LRRC4C: variants seen among roughly 807,000 people sequenced by gnomAD.
LRRC4C encodes the protein leucine rich repeat containing 4C, also known as leucine-rich repeat-containing protein 4C.
Under a neutral mutation model 33.6 loss-of-function variants are expected in LRRC4C, and 5 were observed. The observed-to-expected ratio is 0.15, with a 90% CI of 0.08 to 0.31. The LOEUF (loss-of-function observed/expected upper bound fraction) is 0.31, where lower values mean the gene tolerates loss of function less well. LRRC4C is among the 10% of genes least tolerant of loss of function. The pLI is 1.00. For missense variants in LRRC4C, 560 were observed against 796.7 expected (o/e 0.70, Z 3.58); for synonymous variants, 329 against 302.0 (o/e 1.09, Z -0.93).
At chr11:41,032,181 A>G (rs1565318448) in intron 1 of LRRC4C, among the ~76,000 whole-genome samples, 1 of 152,018 alleles carries the variant, frequency 6.6e-6, no homozygotes, top group Non-Finnish European at 1.5e-5. Flanking sequence ...CTCAATTCCA[A>G]TCCTTCTGCC....
intron 3 of LRRC4C, among the ~76,000 whole-genome samples, chr11:40,438,926 C>CTTTTTTTTTTTTTTTTTTTTTTT (rs869144067): frequency 9.4e-6 from 1 of 106,902 alleles, no homozygotes. Context: ...TGAATTGCTA[C>CTTTTTTTTTTTTTTTTTTTTTTT]TTTTTTTTTT....
At chr11:41,128,445 T>A (rs555816103) in intron 1 of LRRC4C, among the ~76,000 whole-genome samples, 1 of 152,208 alleles carries the variant, frequency 6.6e-6, no homozygotes, top group East Asian at 1.9e-4. Context: ...CAAAGAGATA[T>A]GACAGTGCTT....
intron 1 of LRRC4C, among the ~76,000 whole-genome samples, chr11:41,193,458 A>G (rs1946049951): frequency 6.6e-6 from 1 of 152,104 alleles, no homozygotes; most frequent in African/African-American, 2.4e-5. Flanking sequence ...ATGCTACACC[A>G]TTGATGATGC....
rs1238422849 is a variant in LRRC4C, at chr11:40,195,894, A to G, written c.-96+45625T>C. On this transcript the variant is annotated intron_variant, in intron 5 of 6. Coordinates refer to ENST00000528697, the MANE Select transcript of LRRC4C (RefSeq NM_001258419.2). ...TATGAAGTATTTATAAGGTGTGGCAATTTGTCAAAAATCACCACAAATGGA... is the reference window on the plus strand; with the variant it reads ...TATGAAGTATTTATAAGGTGTGGCAGTTTGTCAAAAATCACCACAAATGGA... Among the ~76,000 whole-genome samples the G allele has an allele frequency of 2.0e-5, 3 of 152,198 alleles. No individual in the cohort carries two copies. The East Asian group carries it at 5.8e-4, about 29-fold the overall frequency.
intron 1 of LRRC4C, among the ~76,000 whole-genome samples, chr11:40,959,976 A>G (rs963325436): frequency 1.2e-4 from 18 of 151,836 alleles, no homozygotes; most frequent in African/African-American, 3.4e-4. Flanking sequence ...TAGTAATTCT[A>G]CTTTAAATTA....
chr11:41,065,122 C>T (rs1938126996), intron 1 of LRRC4C, among the ~76,000 whole-genome samples: 1 of 150,770 alleles, frequency 6.6e-6, no homozygotes, highest in Admixed American at 6.6e-5. Flanking sequence ...GTGGATCCCA[C>T]TCCCATGGAG....
chr11:40,173,345 C>T (rs1860203039), intron 5 of LRRC4C, among the ~76,000 whole-genome samples: 2 of 152,278 alleles, frequency 1.3e-5, no homozygotes, highest in South Asian at 4.1e-4. Context: ...GCAAACTCCC[C>T]AAGAGGCAAA....
In LRRC4C at chr11:40,736,856, G is replaced by A. The variant is rs534345284; in HGVS notation, c.-406-88578C>T. Among the ~76,000 whole-genome samples, 53 of 76,148 alleles carry A rather than the reference G, an allele frequency of 7.0e-4. No individual in the cohort carries two copies. The South Asian group carries it at 0.011, about 16-fold the overall frequency. 50.0% of individuals were successfully genotyped at this position (76,148 alleles called of 152,430 possible). A position where few individuals can be genotyped will look rare whatever the true frequency, so the allele number is the denominator to read the frequency against. ...ATATACTTTGCCCACTTTTTGATGCGGTTGTTTTTTTTTTTTTTGTAAATT... is the reference window on the plus strand; with the variant it reads ...ATATACTTTGCCCACTTTTTGATGCAGTTGTTTTTTTTTTTTTTGTAAATT... On this transcript the variant is annotated intron_variant, in intron 2 of 6. Coordinates refer to ENST00000528697, the MANE Select transcript of LRRC4C (RefSeq NM_001258419.2).
chr11:41,382,032 A>G (rs921957226), intron 1 of LRRC4C, among the ~76,000 whole-genome samples: 1 of 151,944 alleles, frequency 6.6e-6, no homozygotes, highest in African/African-American at 2.4e-5. Context: ...CCAGAATAGG[A>G]AAGCTGTTAG....
intron 3 of LRRC4C, among the ~76,000 whole-genome samples, chr11:40,489,312 C>A (rs562523864): frequency 1.3e-5 from 2 of 152,196 alleles, no homozygotes; most frequent in Admixed American, 1.3e-4. Context: ...GTCCCCCTTG[C>A]TCCCCTAAAA....
chr11:41,429,914 C>T lies in LRRC4C; in HGVS notation c.-496+29517G>A, dbSNP rs115445576. Among the ~76,000 whole-genome samples the T allele has an allele frequency of 8.5e-4, 129 of 152,078 alleles. 1 individual carries two copies. Among genetic ancestry groups the T allele is most frequent in the African/African-American group, 3.1e-3 (127 of 41,484 alleles). On this transcript the variant is annotated intron_variant, in intron 1 of 6. Coordinates refer to ENST00000528697, the MANE Select transcript of LRRC4C (RefSeq NM_001258419.2). ...GCTTCCAAATGAGATAATGGCATTC[C>T]GGCTAAGTTAGGCAGATGATGGTAC...
At chr11:40,372,394 AC>A (rs1191761731) in intron 3 of LRRC4C, among the ~76,000 whole-genome samples, 2 of 152,090 alleles carry the variant, frequency 1.3e-5, no homozygotes, top group Non-Finnish European at 2.9e-5. Context: ...AAGTACACAA[AC>A]CTTCTCTAGA....
chr11:40,241,716 A>T (rs964216362), intron 4 of LRRC4C, 118 bp from the exon 5 acceptor site: 5 of 152,202 alleles, frequency 3.3e-5, no homozygotes, highest in African/African-American at 1.2e-4. Flanking sequence ...AAAGCAACAC[A>T]CAAGAAGATG....
chr11:40,179,664 G>A (rs569429857), intron 5 of LRRC4C, among the ~76,000 whole-genome samples: 104 of 152,252 alleles, frequency 6.8e-4, no homozygotes, highest in African/African-American at 2.4e-3. Context: ...CATCCAGCAC[G>A]TGCCTTGGAA....
At chr11:40,283,636 T>C (rs1394704845) in intron 4 of LRRC4C, among the ~76,000 whole-genome samples, 3 of 151,464 alleles carry the variant, frequency 2.0e-5, no homozygotes, top group Admixed American at 6.6e-5. Flanking sequence ...AAAATCTCTA[T>C]GCACTATGTT....
chr11:40,439,089 C>T (rs1951272705), intron 3 of LRRC4C, among the ~76,000 whole-genome samples: 2 of 143,764 alleles, frequency 1.4e-5, no homozygotes, highest in Admixed American at 7.1e-5. Context: ...TGCCACCACC[C>T]CCAGCTAATT....
chr11:40,892,974 A>G (rs1047319070), intron 2 of LRRC4C, among the ~76,000 whole-genome samples: 4 of 152,172 alleles, frequency 2.6e-5, no homozygotes, highest in Admixed American at 2.6e-4. Flanking sequence ...AGAAACTATC[A>G]CCCAATCCAA....
At chr11:40,968,055 T>C (rs1192595546) in intron 1 of LRRC4C, among the ~76,000 whole-genome samples, 1 of 151,986 alleles carries the variant, frequency 6.6e-6, no homozygotes, top group African/African-American at 2.4e-5. Flanking sequence ...AGTGGTGAAC[T>C]CAAAGGAAAA....
chr11:41,371,036 G>T (rs983161028), intron 1 of LRRC4C, among the ~76,000 whole-genome samples: 1 of 151,900 alleles, frequency 6.6e-6, no homozygotes, highest in Non-Finnish European at 1.5e-5. Context: ...TTCCTTACTG[G>T]CTAAAAACTA....
Sources: allele counts gnomAD v4.1 joint callset (sites outside exome capture counted in the v4.1 genomes callset), GRCh38; gene constraint gnomAD v4.1.1; transcripts MANE v1.5; gene names NCBI Gene and HGNC (gene_info 2026-07-23, HGNC 2026-07-21).